Variants in CCDC124 observed in about 807,000 individuals in gnomAD.
CCDC124 encodes coiled-coil domain containing 124, also known as coiled-coil domain-containing protein 124.
In CCDC124, 9 loss-of-function variants were observed where a neutral mutation model predicts 19.8. That is an observed-to-expected ratio of 0.45 (90% CI 0.27 to 0.79). CCDC124 has a LOEUF of 0.79. Among genes scored for constraint, CCDC124 ranks in the 30% least tolerant of loss-of-function variants. The pLI is 0.14. For synonymous variants in CCDC124, 126 were observed against 131.3 expected (o/e 0.96, Z 0.27); for missense variants, 285 against 319.0 (o/e 0.89, Z 0.81).
chr19:17,943,350 A>G lies in CCDC124; in HGVS notation c.439A>G (p.Ile147Val), dbSNP rs1413441183. The change falls in exon 4 of 5, where the codon ATC becomes GTC. Residue 147 changes from isoleucine (I) to valine (V), a missense_variant. Transcript: ENST00000445755. The part of the protein sequence containing the change: ...LEEGSVEART[I>V]EDAIAVLSVA... ...GGAGGGCAGCGTGGAGGCGCGCACC[A>G]TCGAGGACGCCATTGCAGTGCTCAG... 3 of 1,431,044 alleles carry G rather than the reference A, an allele frequency of 2.1e-6. No homozygotes were observed. Among genetic ancestry groups the G allele is most frequent in the Admixed American group, 2.0e-5 (1 of 49,952 alleles). The allele number at this position is 1,431,044 out of a possible 1,614,324, so 88.6% of individuals were successfully genotyped here. A position where few individuals can be genotyped will look rare whatever the true frequency, so the allele number is the denominator to read the frequency against.
intron 2 of CCDC124, among the ~76,000 whole-genome samples, chr19:17,940,659 C>T (rs1053833403): frequency 6.8e-6 from 1 of 146,110 alleles, no homozygotes; most frequent in South Asian, 2.2e-4. Context: ...CCAGCTATTC[C>T]GGAGGCTGAG....
In CCDC124 at chr19:17,942,392, C is replaced by G. The variant is rs1335916755; in HGVS notation, c.160-264C>G. ...TGCTGCTAAGGACGCTCCTGTTCCC[C>G]AGCTCTCCCCCTTGGCCGGCGCTCT... On this transcript the variant is annotated intron_variant, in intron 2 of 4. Transcript: ENST00000445755. This position sits in a 1 kb window ranked among gnomAD's most constrained non-coding sequence, Gnocchi z 4.2. Among the ~76,000 whole-genome samples the G allele has an allele frequency of 6.6e-6, 1 of 152,204 alleles. No homozygotes were observed. The highest frequency in any genetic ancestry group is 1.5e-5 in the Non-Finnish European group (1 of 68,042).
chr19:17,942,620 G>C lies in CCDC124; in HGVS notation c.160-36G>C. 6.5e-7 allele frequency: 1 copy of C among 1,547,868 alleles called. No homozygotes were observed. The highest frequency in any genetic ancestry group is 8.7e-7 in the Non-Finnish European group (1 of 1,146,098). ...GGCTAGTGGGTGGCGCGGGGGTGTG[G>C]GGTCTTCTGCCTGACCATGCACGCC... On this transcript the variant is annotated intron_variant, in intron 2 of 4. Coordinates refer to ENST00000445755, the MANE Select transcript of CCDC124 (RefSeq NM_001136203.2). This position sits in a 1 kb window ranked among gnomAD's most constrained non-coding sequence, Gnocchi z 4.2.
chr19:17,942,905 G>A lies in CCDC124; in HGVS notation c.349+60G>A. On this transcript the variant is annotated intron_variant, in intron 3 of 4. Transcript: ENST00000445755. The surrounding 1 kb of genome is among the most constrained non-coding windows in gnomAD (Gnocchi z 4.2). ...GCCCACTGCAGAGGCAGTGGACCTT[G>A]AGTCCATTAGCCCCCTCCTGGCCCC... 6.9e-7 allele frequency: 1 copy of A among 1,449,186 alleles called. No homozygotes were observed. Among genetic ancestry groups the A allele is most frequent in the Non-Finnish European group, 9.1e-7 (1 of 1,098,434 alleles). The allele number at this position is 1,449,186 out of a possible 1,614,324, so 89.8% of individuals were successfully genotyped here.
At chr19:17,935,190 A>T (rs528686110) in intron 1 of CCDC124, 2 of 152,238 alleles carry the variant, frequency 1.3e-5, no homozygotes, top group Admixed American at 1.3e-4. Flanking sequence ...GGGATTACAA[A>T]CGTGAGTGAT....
At chr19:17,939,423 TC>T (rs953980743) in intron 2 of CCDC124, among the ~76,000 whole-genome samples, 2 of 151,636 alleles carry the variant, frequency 1.3e-5, no homozygotes, top group African/African-American at 4.8e-5. Flanking sequence ...AACAAAAAGA[TC>T]CAGTATCCAG....
At chr19:17,943,435 A>G in intron 4 of CCDC124, 60 bp downstream of exon 4, 4 of 984,332 alleles carry the variant, frequency 4.1e-6, no homozygotes, top group African/African-American at 4.7e-5. Context: ...GGGCGGGGCT[A>G]CCTGGGGGCG....
Position 17,942,182 on chromosome 19 carries a change from G to A in CCDC124, c.160-474G>A, listed in dbSNP as rs914579449. Reference sequence around the variant, plus strand: ...CAGAGCCCCTGCCCTAGCCTGAAACGGGTCCAGGCCTCCCACGGCTCTTAG... The same window carrying A: ...CAGAGCCCCTGCCCTAGCCTGAAACAGGTCCAGGCCTCCCACGGCTCTTAG... On this transcript the variant is annotated intron_variant, in intron 2 of 4. Transcript: ENST00000445755. The surrounding 1 kb of genome is among the most constrained non-coding windows in gnomAD (Gnocchi z 4.2). Among the ~76,000 whole-genome samples the A allele has an allele frequency of 6.6e-6, 1 of 152,124 alleles. No homozygotes were observed. Among genetic ancestry groups the A allele is most frequent in the Admixed American group, 6.6e-5 (1 of 15,266 alleles).
chr19:17,943,386 G>C lies in CCDC124; in HGVS notation c.464+11G>C. 6.4e-7 allele frequency: 1 copy of C among 1,569,346 alleles called. No homozygotes were observed. The highest frequency in any genetic ancestry group is 1.9e-5 in the Admixed American group (1 of 53,690). Reference sequence around the variant, plus strand: ...CATTGCAGTGCTCAGGTAACGGGGCGGGGCCTGGGGCTTTCCCAGGGGTGG... The same window carrying C: ...CATTGCAGTGCTCAGGTAACGGGGCCGGGCCTGGGGCTTTCCCAGGGGTGG... On this transcript the variant is annotated intron_variant, in intron 4 of 4. Coordinates refer to ENST00000445755, the MANE Select transcript of CCDC124 (RefSeq NM_001136203.2).
Position 17,942,992 on chromosome 19 carries a change from C to T in CCDC124, c.349+147C>T, listed in dbSNP as rs2031220772. The T allele has an allele frequency of 3.0e-6, 3 of 1,009,548 alleles. No homozygotes were observed. In the African/African-American group the frequency reaches 4.9e-5, roughly 16 times the overall value. 62.5% of individuals were successfully genotyped at this position (1,009,548 alleles called of 1,614,324 possible). A position where few individuals can be genotyped will look rare whatever the true frequency, so the allele number is the denominator to read the frequency against. Reference sequence around the variant, plus strand: ...GGTGGGTAGGCCGCCTCCTGGTAGGCCTGGCCGTGAGCAGACAACCTCAGG... The same window carrying T: ...GGTGGGTAGGCCGCCTCCTGGTAGGTCTGGCCGTGAGCAGACAACCTCAGG... On this transcript the variant is annotated intron_variant, in intron 3 of 4. Transcript: ENST00000445755. This position sits in a 1 kb window ranked among gnomAD's most constrained non-coding sequence, Gnocchi z 4.2.
At chr19:17,940,779 A>T (rs1005531003) in intron 2 of CCDC124, among the ~76,000 whole-genome samples, 5 of 149,136 alleles carry the variant, frequency 3.4e-5, no homozygotes, top group Non-Finnish European at 4.4e-5. Flanking sequence ...CGGGCGCGGT[A>T]ACTCATTCCT....
chr19:17,943,257 C>CCCCCCCA lies in CCDC124; in HGVS notation c.350-3_350-2insCCCCCAC. 1.3e-6 allele frequency: 2 copies of CCCCCCCA among 1,506,452 alleles called. No homozygotes were observed. The highest frequency in any genetic ancestry group is 1.8e-6 in the Non-Finnish European group (2 of 1,115,364). The allele number at this position is 1,506,452 out of a possible 1,614,324, so 93.3% of individuals were successfully genotyped here. A position where few individuals can be genotyped will look rare whatever the true frequency, so the allele number is the denominator to read the frequency against. On this transcript the variant is annotated splice_polypyrimidine_tract_variant and splice_region_variant and intron_variant, in intron 3 of 4. Transcript: ENST00000445755. ...CTGTCTCTGTCACCCACCCACCCGC[C>CCCCCCCA]CAGCCGAGAAAGCCAAGAGCCATCT... is the stretch of plus-strand genomic sequence containing the variant.
intron 2 of CCDC124, among the ~76,000 whole-genome samples, chr19:17,941,616 C>A (rs2031183440): frequency 6.6e-6 from 1 of 152,124 alleles, no homozygotes; most frequent in Non-Finnish European, 1.5e-5. Context: ...AACTAAGGCT[C>A]CTCAGCACAG....
At chr19:17,939,999 C>T (rs910496137) in intron 2 of CCDC124, among the ~76,000 whole-genome samples, 1 of 150,352 alleles carries the variant, frequency 6.7e-6, no homozygotes, top group East Asian at 2.0e-4. Context: ...ACTGCAACCT[C>T]CGCCTCCTAG....
At chr19:17,939,350 G>A (rs775969612) in intron 2 of CCDC124, among the ~76,000 whole-genome samples, 2 of 152,044 alleles carry the variant, frequency 1.3e-5, no homozygotes, top group East Asian at 1.9e-4. Context: ...AGCCGGGATC[G>A]CGCCACTGCA....
chr19:17,943,445 G>C, intron 4 of CCDC124, 63 bp from the exon 5 acceptor site: 1 of 1,564,428 alleles, frequency 6.4e-7, no homozygotes, highest in Non-Finnish European at 8.6e-7. Flanking sequence ...ACCTGGGGGC[G>C]GGGCCGGGCT....
At chr19:17,941,070 A>T (rs2031169946) in intron 2 of CCDC124, among the ~76,000 whole-genome samples, 1 of 151,876 alleles carries the variant, frequency 6.6e-6, no homozygotes, top group Non-Finnish European at 1.5e-5. Flanking sequence ...AACGAAAAAA[A>T]CACAAAAAAC....
rs2031219870 is a variant in CCDC124 at position 17,942,944 on chromosome 19, G to A, written c.349+99G>A. ...CCTCCTGGCCCCCAGAGAAGCTGCCGGGGCTCCACGTGGTGCAGGGTGGGT... is the reference window on the plus strand; with the variant it reads ...CCTCCTGGCCCCCAGAGAAGCTGCCAGGGCTCCACGTGGTGCAGGGTGGGT... On this transcript the variant is annotated intron_variant, in intron 3 of 4. Transcript: ENST00000445755. This position sits in a 1 kb window ranked among gnomAD's most constrained non-coding sequence, Gnocchi z 4.2. 7.3e-6 allele frequency: 10 copies of A among 1,377,628 alleles called. No homozygotes were observed. The highest frequency in any genetic ancestry group is 2.5e-5 in the East Asian group (1 of 39,922). The allele number at this position is 1,377,628 out of a possible 1,614,324, so 85.3% of individuals were successfully genotyped here.
Position 17,942,817 on chromosome 19 carries a change from C to G in CCDC124, c.321C>G (p.Asp107Glu). ...AGATCGAGGACACGCTGCGCCGAGA[C>G]CATCAGCTCAGGGAGGCCCCGGACA... The part of the protein sequence containing the change: ...RAQIEDTLRR[D>E]HQLREAPDTA... The change falls in exon 3 of 5, where the codon GAC becomes GAG. Residue 107 changes from aspartate to glutamate, a missense_variant. By Grantham distance (45) the Asp-to-Glu change is conservative (BLOSUM62 2). Transcript: ENST00000445755. The surrounding 1 kb of genome is among the most constrained non-coding windows in gnomAD (Gnocchi z 4.2). The G allele has an allele frequency of 6.5e-7, 1 of 1,533,258 alleles. No individual in the cohort carries two copies. The highest frequency in any genetic ancestry group is 8.8e-7 in the Non-Finnish European group (1 of 1,139,944). 95.0% of individuals were successfully genotyped at this position (1,533,258 alleles called of 1,614,324 possible).
Sources: allele counts gnomAD v4.1 joint callset (sites outside exome capture counted in the v4.1 genomes callset), GRCh38; gene constraint gnomAD v4.1.1; non-coding constraint Gnocchi (gnomAD v3.1); transcripts MANE v1.5; gene names NCBI Gene and HGNC (gene_info 2026-07-23, HGNC 2026-07-21).